Variants in ZNF385B observed in about 807,000 individuals in gnomAD.
ZNF385B encodes zinc finger protein 533.
Under a neutral mutation model 39.2 loss-of-function variants are expected in ZNF385B, and 23 were observed. The observed-to-expected ratio is 0.59, with a 90% CI of 0.42 to 0.83. ZNF385B has a LOEUF of 0.83. Ranked by LOEUF, ZNF385B falls within the 40% of genes least tolerant of loss-of-function variation. The pLI, the probability that ZNF385B is intolerant of heterozygous loss-of-function variation, is 0.00. For missense variants in ZNF385B, 552 were observed against 598.9 expected, an observed-to-expected ratio of 0.92 and a Z score of 0.82; for synonymous variants, 205 against 222.6, an observed-to-expected ratio of 0.92 and a Z score of 0.70.
At chr2:179,839,826 G>A (rs1243165475) in intron 1 of ZNF385B, among the ~76,000 whole-genome samples, 1 of 152,170 alleles carries the variant, frequency 6.6e-6, no homozygotes, top group Non-Finnish European at 1.5e-5. Flanking sequence ...AATATGGTGG[G>A]AGAGGCCACC....
At chr2:179,515,084 T>G (rs896374657) in intron 5 of ZNF385B, among the ~76,000 whole-genome samples, 14 of 152,322 alleles carry the variant, frequency 9.2e-5, no homozygotes, top group Admixed American at 5.2e-4. Context: ...AGCCTCAATA[T>G]GTTTTTTAAT....
At chr2:179,731,959 G>C (rs1034438544) in intron 3 of ZNF385B, among the ~76,000 whole-genome samples, 2 of 152,106 alleles carry the variant, frequency 1.3e-5, no homozygotes, top group Non-Finnish European at 2.9e-5. Flanking sequence ...GGCATGACAC[G>C]AACAGACCAC....
intron 1 of ZNF385B, among the ~76,000 whole-genome samples, chr2:179,807,193 T>C (rs1322502981): frequency 6.6e-6 from 1 of 152,238 alleles, no homozygotes; most frequent in African/African-American, 2.4e-5. Flanking sequence ...ACTAGATAAA[T>C]TTGGTATGCT....
intron 3 of ZNF385B, among the ~76,000 whole-genome samples, chr2:179,566,578 G>A (rs1027502568): frequency 7.2e-5 from 11 of 152,296 alleles, no homozygotes; most frequent in African/African-American, 2.2e-4. Flanking sequence ...TAGGATGAAC[G>A]TGACTTGGTT....
chr2:179,532,955 C>G (rs929939466), intron 4 of ZNF385B, among the ~76,000 whole-genome samples: 4 of 152,134 alleles, frequency 2.6e-5, no homozygotes, highest in Admixed American at 1.3e-4. Flanking sequence ...AGACTGTAAT[C>G]TTTTGTGATT....
At chr2:179,662,177 C>G (rs1372007247) in intron 3 of ZNF385B, among the ~76,000 whole-genome samples, 1 of 152,136 alleles carries the variant, frequency 6.6e-6, no homozygotes, top group East Asian at 1.9e-4. Context: ...AAGGTAACCA[C>G]AAGTGGAGGA....
At chr2:179,842,512 A>C (rs1708587272) in intron 1 of ZNF385B, among the ~76,000 whole-genome samples, 1 of 151,952 alleles carries the variant, frequency 6.6e-6, no homozygotes, top group Non-Finnish European at 1.5e-5. Flanking sequence ...ATGCTCAAGA[A>C]CTCAGGGTTG....
At chr2:179,581,661 A>G (rs1446437625) in intron 3 of ZNF385B, among the ~76,000 whole-genome samples, 1 of 152,228 alleles carries the variant, frequency 6.6e-6, no homozygotes, top group Non-Finnish European at 1.5e-5. Context: ...TCTCCAAAAT[A>G]TCAGAAGTAT....
At chr2:179,713,807 G>A (rs1343164124) in intron 3 of ZNF385B, among the ~76,000 whole-genome samples, 2 of 152,196 alleles carry the variant, frequency 1.3e-5, no homozygotes, top group Non-Finnish European at 2.9e-5. Context: ...CTAAAACACT[G>A]AGCTGTGTGT....
At chr2:179,755,101 A>G (rs541592151) in intron 3 of ZNF385B, among the ~76,000 whole-genome samples, 2 of 152,200 alleles carry the variant, frequency 1.3e-5, no homozygotes, top group African/African-American at 2.4e-5. Flanking sequence ...ACACTGCTTT[A>G]AATGTGTCCC....
intron 1 of ZNF385B, among the ~76,000 whole-genome samples, chr2:179,789,330 T>C (rs967691784): frequency 1.3e-5 from 2 of 152,152 alleles, no homozygotes; most frequent in Non-Finnish European, 2.9e-5. Context: ...AGAAAAAACT[T>C]TGAGAAAGAA....
chr2:179,684,543 T>C (rs1041263110), intron 3 of ZNF385B, among the ~76,000 whole-genome samples: 1 of 152,240 alleles, frequency 6.6e-6, no homozygotes, highest in Non-Finnish European at 1.5e-5. Context: ...TGATTGTCCA[T>C]AGGCTTATAC....
chr2:179,472,433 T>C (rs1002478966), intron 6 of ZNF385B, among the ~76,000 whole-genome samples: 6 of 152,210 alleles, frequency 3.9e-5, no homozygotes, highest in Admixed American at 3.9e-4. Context: ...ATTTTTAATG[T>C]GGATATGGCC....
intron 3 of ZNF385B, chr2:179,660,141 T>A (rs372044056): frequency 1.3e-5 from 2 of 152,590 alleles, no homozygotes; most frequent in South Asian, 2.1e-4. Context: ...AATAAATGTA[T>A]CAGGAGCTGA....
At chr2:179,549,040 A>G (rs1052334053) in intron 3 of ZNF385B, among the ~76,000 whole-genome samples, 1 of 149,474 alleles carries the variant, frequency 6.7e-6, no homozygotes, top group African/African-American at 2.5e-5. Flanking sequence ...TAGACATTTC[A>G]TTTAAATGAA....
intron 1 of ZNF385B, among the ~76,000 whole-genome samples, chr2:179,781,886 A>C (rs1248899030): frequency 6.6e-6 from 1 of 152,156 alleles, no homozygotes; most frequent in Non-Finnish European, 1.5e-5. Flanking sequence ...ATTCACAGCC[A>C]AATTCTACCA....
rs1003361162 is a variant in ZNF385B, at chr2:179,538,084, A to T, written c.441+6743T>A. On this transcript the variant is annotated intron_variant, in intron 4 of 9. Transcript: ENST00000410066. ...TAAAAGCATGTCACAAAAAATAAAA[A>T]CTCAACCATATTTTCTTTTTTATTT... Among the ~76,000 whole-genome samples, 4 of 152,120 alleles carry T rather than the reference A, an allele frequency of 2.6e-5. No homozygotes were observed. The South Asian group carries it at 8.3e-4, about 31-fold the overall frequency.
chr2:179,718,459 T>C (rs908669566), intron 3 of ZNF385B, among the ~76,000 whole-genome samples: 1 of 147,940 alleles, frequency 6.8e-6, no homozygotes, highest in Non-Finnish European at 1.5e-5. Context: ...TACTTTATGA[T>C]CAAAGACATA....
chr2:179,562,586 A>T, intron 3 of ZNF385B: 1 of 985,392 alleles, frequency 1.0e-6, no homozygotes, highest in Non-Finnish European at 1.2e-6. Flanking sequence ...AGCTCTAATT[A>T]CTATTGAGGA....
Sources: gnomAD v4.1 joint callset for allele counts (sites outside exome capture counted in the v4.1 genomes callset) on GRCh38, gnomAD v4.1.1 for gene constraint, MANE v1.5 for transcripts, NCBI Gene and HGNC (gene_info 2026-07-23, HGNC 2026-07-21) for gene names.